The following CUBN variants were observed in gnomAD, a reference collection of about 807,000 sequenced individuals.
CUBN encodes cubilin, also known as 460 kDa receptor.
Under a neutral mutation model 405.3 loss-of-function variants are expected in CUBN, and 282 were observed. The observed-to-expected ratio is 0.70, with a 90% confidence interval of 0.63 to 0.77. CUBN has a LOEUF of 0.77. CUBN is among the 30% of genes least tolerant of loss of function. CUBN has a pLI of 0.00. For synonymous variants in CUBN, 1,684 were observed against 1,617.0 expected, an observed-to-expected ratio of 1.04 and a Z score of -0.99; for missense variants, 4,514 against 4,475.2, an observed-to-expected ratio of 1.01 and a Z score of -0.25.
In CUBN at chr10:16,876,824, C is replaced by T. The variant is rs899149382; in HGVS notation, c.9106+73G>A. On this transcript the variant is annotated intron_variant, in intron 57 of 66. Coordinates refer to ENST00000377833, the MANE Select transcript of CUBN (RefSeq NM_001081.4). Reference sequence around the variant, plus strand: ...ATCTTCAAGTTAGTGCTGTATGAATCGCAGTGAAAACTCTTTGTATACATT... The same window carrying T: ...ATCTTCAAGTTAGTGCTGTATGAATTGCAGTGAAAACTCTTTGTATACATT... 1.0e-5 allele frequency: 13 copies of T among 1,245,442 alleles called. No homozygotes were observed. In the African/African-American group the frequency reaches 1.3e-4, roughly 13 times the overall value. The allele number at this position is 1,245,442 out of a possible 1,614,324, so 77.1% of individuals were successfully genotyped here.
At chr10:16,891,950 G>C (rs184242626) in intron 54 of CUBN, among the ~76,000 whole-genome samples, 1 of 152,144 alleles carries the variant, frequency 6.6e-6, no homozygotes, top group African/African-American at 2.4e-5. Context: ...GGATGTAGTT[G>C]GATGTGTATT....
intron 27 of CUBN, among the ~76,000 whole-genome samples, chr10:17,027,769 C>T (rs1834704182): frequency 6.6e-6 from 1 of 152,100 alleles, no homozygotes; most frequent in South Asian, 2.1e-4. Context: ...AAAAATTAAT[C>T]CACTGAAATG....
At chr10:16,978,211 C>T (rs1206734269) in intron 31 of CUBN, among the ~76,000 whole-genome samples, 1 of 152,192 alleles carries the variant, frequency 6.6e-6, no homozygotes, top group African/African-American at 2.4e-5. Flanking sequence ...CTTTGGTCCT[C>T]TTTGTCCTGA....
At chr10:16,887,102 T>C (rs1332489402) in intron 56 of CUBN, among the ~76,000 whole-genome samples, 1 of 152,238 alleles carries the variant, frequency 6.6e-6, no homozygotes, top group Non-Finnish European at 1.5e-5. Flanking sequence ...TTAATTTTAT[T>C]AATTTACTTA....
In CUBN at chr10:16,989,674, A is replaced by C. The variant is rs137863166; in HGVS notation, c.4350+660T>G. Among the ~76,000 whole-genome samples the C allele has an allele frequency of 2.7e-4, 41 of 152,200 alleles. No individual in the cohort carries two copies. In the East Asian group the frequency reaches 7.5e-3, roughly 28 times the overall value. ...AAACTTTTGGGCTCAAGATTCTCAA[A>C]GACTGTTTTAATGATCCAAGACACA... On this transcript the variant is annotated intron_variant, in intron 29 of 66. Transcript: ENST00000377833.
intron 14 of CUBN, among the ~76,000 whole-genome samples, chr10:17,098,022 C>T (rs1290273112): frequency 6.6e-6 from 1 of 152,078 alleles, no homozygotes; most frequent in East Asian, 1.9e-4. Context: ...TGAAAAATTC[C>T]CACGCAGCAC....
At chr10:16,954,768 T>A (rs1015003599) in intron 31 of CUBN, among the ~76,000 whole-genome samples, 1 of 152,168 alleles carries the variant, frequency 6.6e-6, no homozygotes, top group African/African-American at 2.4e-5. Flanking sequence ...TCAGAGCCAC[T>A]ATTAGATTTC....
chr10:17,000,124 C>T (rs1338371481), intron 28 of CUBN, among the ~76,000 whole-genome samples: 1 of 152,242 alleles, frequency 6.6e-6, no homozygotes, highest in African/African-American at 2.4e-5. Context: ...TTACCCAAAT[C>T]CTCACATGCT....
chr10:17,093,862 C>A (rs1458258880), intron 14 of CUBN, among the ~76,000 whole-genome samples: 2 of 151,946 alleles, frequency 1.3e-5, no homozygotes, highest in Admixed American at 6.6e-5. Context: ...AACAAAATAA[C>A]CAAATGGAAT....
intron 6 of CUBN, 94 bp from the exon 7 acceptor site, chr10:17,115,691 A>C: frequency 6.9e-7 from 1 of 1,456,750 alleles, no homozygotes; most frequent in Non-Finnish European, 9.6e-7. Context: ...CAAATTACAA[A>C]TCAACGATGT....
chr10:16,947,322 G>T lies in CUBN; in HGVS notation c.5255C>A (p.Pro1752His). Residue 1752 changes from proline to histidine, a missense_variant, in exon 36 of 67, where the codon CCT becomes CAT. Pro to His is a moderately conservative substitution (Grantham distance 77). Transcript: ENST00000377833. ...FYMAEGIFNS[P>H]GYPDIYPPNV... ...AGGGGGATAAATGTCTGGGTAGCCAGGGCTGTTGAAGATGCCTTCAGCCAT... is the reference window on the plus strand; with the variant it reads ...AGGGGGATAAATGTCTGGGTAGCCATGGCTGTTGAAGATGCCTTCAGCCAT... 6.2e-7 allele frequency: 1 copy of T among 1,614,094 alleles called. No homozygotes were observed. Among genetic ancestry groups the T allele is most frequent in the Non-Finnish European group, 8.5e-7 (1 of 1,179,974 alleles).
intron 28 of CUBN, among the ~76,000 whole-genome samples, chr10:17,013,400 G>T (rs1366982681): frequency 4.1e-5 from 6 of 145,644 alleles, no homozygotes; most frequent in Non-Finnish European, 9.0e-5. Context: ...CTCCCTCTTT[G>T]TCTCTCTCTT....
intron 27 of CUBN, among the ~76,000 whole-genome samples, chr10:17,021,086 T>C (rs1018476810): frequency 6.6e-6 from 1 of 152,158 alleles, no homozygotes; most frequent in African/African-American, 2.4e-5. Flanking sequence ...TTGTCTTAAC[T>C]TGTGTTATTT....
Position 16,831,700 on chromosome 10 carries a change from G to C in CUBN, c.10363-283C>G, listed in dbSNP as rs115458286. Among the ~76,000 whole-genome samples, 2,654 of 152,264 alleles carry C rather than the reference G, an allele frequency of 0.017. 60 individuals are homozygous for C. Among genetic ancestry groups the C allele is most frequent in the African/African-American group, 0.059 (2,435 of 41,518 alleles). On this transcript the variant is annotated intron_variant, in intron 64 of 66. Coordinates refer to ENST00000377833, the MANE Select transcript of CUBN (RefSeq NM_001081.4). ...GCAGCTTTTTTATACCGTAGTTTGT[G>C]CTGTGATCCTGCAGCCTTTGCTTTT... is the stretch of plus-strand genomic sequence containing the variant.
rs768060082 is a variant in CUBN, at chr10:16,937,803, A to G, written c.5734-19T>C. The G allele has an allele frequency of 3.7e-6, 6 of 1,605,510 alleles. No individual in the cohort carries two copies. In the South Asian group the frequency reaches 6.6e-5, roughly 18 times the overall value. ...CATAGATCTGTACATAAAAACAGAT[A>G]ATAGAGCATTGTATTATCTATATTT... On this transcript the variant is annotated intron_variant, in intron 38 of 66. Transcript: ENST00000377833.
chr10:16,880,015 G>C (rs1427992554), intron 56 of CUBN, among the ~76,000 whole-genome samples: 2 of 152,186 alleles, frequency 1.3e-5, no homozygotes, highest in Non-Finnish European at 2.9e-5. Context: ...GCTCACACTG[G>C]AGTAGCACAA....
intron 60 of CUBN, among the ~76,000 whole-genome samples, chr10:16,847,918 C>A (rs940033868): frequency 7.9e-5 from 12 of 151,998 alleles, no homozygotes; most frequent in African/African-American, 2.9e-4. Context: ...AGGAATCAAC[C>A]GTCCCATTTA....
At chr10:17,067,601 A>G (rs117844483) in intron 21 of CUBN, among the ~76,000 whole-genome samples, 1 of 152,304 alleles carries the variant, frequency 6.6e-6, no homozygotes, top group Non-Finnish European at 1.5e-5. Context: ...ACCAGTGGCC[A>G]AGAATGTTTC....
At chr10:17,121,905 T>C (rs1837051334) in intron 6 of CUBN, 1 of 152,212 alleles carries the variant, frequency 6.6e-6, no homozygotes. Flanking sequence ...TAGCAGAATT[T>C]ATTTATTAAT....
Sources: allele counts gnomAD v4.1 joint callset (sites outside exome capture counted in the v4.1 genomes callset), GRCh38; gene constraint gnomAD v4.1.1; transcripts MANE v1.5; gene names NCBI Gene and HGNC (gene_info 2026-07-23, HGNC 2026-07-21).